Variants in PCDHA2 observed in about 807,000 individuals in gnomAD.
PCDHA2 encodes protocadherin alpha 2.
In PCDHA2, 58 loss-of-function variants were observed where a neutral mutation model predicts 66.0. The ratio of observed to expected loss-of-function variants is 0.88; its 90% CI spans 0.71 to 1.09. The LOEUF (loss-of-function observed/expected upper bound fraction) is 1.09. PCDHA2 is among the 50% of genes least tolerant of loss of function. PCDHA2 has a pLI of 0.00. For missense variants in PCDHA2, 1,267 were observed against 1,242.3 expected (o/e 1.02, Z -0.30); for synonymous variants, 634 against 554.0 (o/e 1.14, Z -2.03).
At chr5:140,870,826 G>T (rs781804523) in intron 1 of PCDHA2, 16 of 1,613,638 alleles carry the variant, frequency 9.9e-6, no homozygotes, top group Non-Finnish European at 1.3e-5. Context: ...CGCGGGAGGC[G>T]CAGTTAACAA....
intron 1 of PCDHA2, among the ~76,000 whole-genome samples, chr5:140,875,039 A>AT: frequency 3.9e-5 from 6 of 152,348 alleles, no homozygotes; most frequent in Admixed American, 3.9e-4. Context: ...TATTTGAAAG[A>AT]TTTCTACTTT....
At chr5:140,876,705 C>A (rs369536692) in intron 1 of PCDHA2, 2 of 1,614,122 alleles carry the variant, frequency 1.2e-6, no homozygotes, top group Non-Finnish European at 1.7e-6. Context: ...TGCTGGACAG[C>A]GCCCTGGACC....
In PCDHA2 at chr5:140,871,387, G is replaced by A. The variant is rs372339362; in HGVS notation, c.2388+74035G>A. Reference sequence around the variant, plus strand: ...GCGGCAGAGGGTGTGCTCTGAGGAGGGCCCACCTAAGACGGACCTCATGGC... The same window carrying A: ...GCGGCAGAGGGTGTGCTCTGAGGAGAGCCCACCTAAGACGGACCTCATGGC... On this transcript the variant is annotated intron_variant, in intron 1 of 3. Coordinates refer to ENST00000526136, the MANE Select transcript of PCDHA2 (RefSeq NM_018905.3). 87 of 1,614,172 alleles carry A rather than the reference G, an allele frequency of 5.4e-5. No homozygotes were observed. The African/African-American group carries it at 1.0e-3, about 19-fold the overall frequency.
chr5:140,850,833 G>A, intron 1 of PCDHA2: 1 of 1,598,078 alleles, frequency 6.3e-7, no homozygotes, highest in Non-Finnish European at 8.6e-7. Flanking sequence ...TTCTCCTTGT[G>A]CTGGATCTAC....
intron 1 of PCDHA2, among the ~76,000 whole-genome samples, chr5:140,838,933 A>G (rs1168986941): frequency 6.6e-6 from 1 of 151,908 alleles, no homozygotes; most frequent in African/African-American, 2.4e-5. Context: ...AATAAAATGA[A>G]ATAATAAAAT....
intron 1 of PCDHA2, among the ~76,000 whole-genome samples, chr5:140,889,913 T>C (rs1287325026): frequency 6.6e-6 from 1 of 152,172 alleles, no homozygotes; most frequent in Admixed American, 6.5e-5. Context: ...ATTGTCATAC[T>C]GTAAAGAAGC....
At chr5:140,820,286 T>C (rs1554127813) in intron 1 of PCDHA2, among the ~76,000 whole-genome samples, 1 of 152,018 alleles carries the variant, frequency 6.6e-6, no homozygotes, top group Non-Finnish European at 1.5e-5. Flanking sequence ...AAAGATTGTA[T>C]CAGAAACAAT....
At chr5:140,951,082 C>G (rs1563248212) in intron 1 of PCDHA2, among the ~76,000 whole-genome samples, 1 of 151,404 alleles carries the variant, frequency 6.6e-6, no homozygotes, top group African/African-American at 2.4e-5. Context: ...TTATATTTTC[C>G]TTTTTTTCTG....
At chr5:140,867,118 T>C (rs2049765139) in intron 1 of PCDHA2, 1 of 152,172 alleles carries the variant, frequency 6.6e-6, no homozygotes, top group Admixed American at 6.5e-5. Context: ...CATATTGTTT[T>C]AATTCAAATA....
intron 1 of PCDHA2, among the ~76,000 whole-genome samples, chr5:140,818,056 A>G (rs1240015136): frequency 6.6e-6 from 1 of 152,174 alleles, no homozygotes; most frequent in Non-Finnish European, 1.5e-5. Flanking sequence ...CTTTGTTTTT[A>G]ATCTCGCTTG....
chr5:140,884,512 G>T (rs782026771), intron 1 of PCDHA2: 1 of 1,614,202 alleles, frequency 6.2e-7, no homozygotes, highest in South Asian at 1.1e-5. Flanking sequence ...CAGGGAGTTG[G>T]TCGTACTCGC....
intron 1 of PCDHA2, among the ~76,000 whole-genome samples, chr5:140,799,961 CTTAGTG>C (rs1180771962): frequency 5.3e-5 from 8 of 152,006 alleles, no homozygotes; most frequent in Non-Finnish European, 1.0e-4. Context: ...TGTTTTATTG[CTTAGTG>C]TTAAATATGT....
rs191667063 is a variant in PCDHA2 at position 140,957,933 on chromosome 5, T to G, written c.2389-21016T>G. Among the ~76,000 whole-genome samples the G allele has an allele frequency of 2.8e-3, 419 of 152,208 alleles. 2 individuals carry two copies. The highest frequency in any genetic ancestry group is 0.014 in the Middle Eastern group (4 of 294). ...GTTATCTATGTATCAAGCTAAATAA[T>G]TTAAAGATCTTTAAGACTATTAATT... is the stretch of plus-strand genomic sequence containing the variant. On this transcript the variant is annotated intron_variant, in intron 1 of 3. Transcript: ENST00000526136.
At chr5:140,971,845 G>C (rs370364575) in intron 1 of PCDHA2, among the ~76,000 whole-genome samples, 1 of 151,934 alleles carries the variant, frequency 6.6e-6, no homozygotes, top group Non-Finnish European at 1.5e-5. Flanking sequence ...CAAGTCATGC[G>C]TTAAATATTT....
intron 1 of PCDHA2, chr5:140,929,119 G>T (rs2085835460): frequency 1.2e-6 from 2 of 1,614,192 alleles, no homozygotes; most frequent in Non-Finnish European, 1.7e-6. Context: ...AGCCACCATA[G>T]ATGTCACTAC....
At chr5:140,941,401 C>T (rs1200707950) in intron 1 of PCDHA2, among the ~76,000 whole-genome samples, 1 of 149,796 alleles carries the variant, frequency 6.7e-6, no homozygotes, top group Non-Finnish European at 1.5e-5. Flanking sequence ...ACTGCAACCT[C>T]CGCCTCCCGG....
At position 141,012,226 on chromosome 5, in the gene PCDHA2, A is replaced by G. The variant is rs1021307000; in HGVS notation, c.*2289A>G. Reference sequence around the variant, plus strand: ...TTTTACATTTGCGAAGTGCTTTCCAATCCATGTTAGTTACTAGTTATTACA... The same window carrying G: ...TTTTACATTTGCGAAGTGCTTTCCAGTCCATGTTAGTTACTAGTTATTACA... On this transcript the variant is annotated 3_prime_UTR_variant, in exon 4 of 4. Transcript: ENST00000526136. The G allele has an allele frequency of 2.6e-5, 4 of 153,758 alleles. No individual in the cohort carries two copies. Among genetic ancestry groups the G allele is most frequent in the African/African-American group, 9.7e-5 (4 of 41,442 alleles). 9.5% of individuals were successfully genotyped at this position (153,758 alleles called of 1,614,324 possible). A position where few individuals can be genotyped will look rare whatever the true frequency, so the allele number is the denominator to read the frequency against.
intron 1 of PCDHA2, chr5:140,863,268 G>A: frequency 6.9e-7 from 1 of 1,459,352 alleles, no homozygotes; most frequent in Non-Finnish European, 9.3e-7. Context: ...GGGAGGCAGC[G>A]CTGGTGGATG....
chr5:140,828,609 G>A, intron 1 of PCDHA2: 1 of 1,614,194 alleles, frequency 6.2e-7, no homozygotes, highest in South Asian at 1.1e-5. Flanking sequence ...TATAAACTCA[G>A]TTCTAGCGAA....
Sources: gnomAD v4.1 joint callset for allele counts (sites outside exome capture counted in the v4.1 genomes callset) on GRCh38, gnomAD v4.1.1 for gene constraint, MANE v1.5 for transcripts, NCBI Gene and HGNC (gene_info 2026-07-23, HGNC 2026-07-21) for gene names.